Variants in BCKDHB observed in about 807,000 individuals in gnomAD.
BCKDHB encodes 2-oxoisovalerate dehydrogenase subunit beta, mitochondrial.
Under a neutral mutation model 48.5 loss-of-function variants are expected in BCKDHB, and 41 were observed. That is an observed-to-expected ratio of 0.85 (90% confidence interval 0.66 to 1.10). The LOEUF (loss-of-function observed/expected upper bound fraction) is 1.10. BCKDHB is among the 50% of genes least tolerant of loss of function. The pLI, the probability that BCKDHB is intolerant of heterozygous loss-of-function variation, is 0.00. For missense variants in BCKDHB, 496 were observed against 494.2 expected (o/e 1.00, Z -0.03); for synonymous variants, 201 against 174.8 (o/e 1.15, Z -1.18).
chr6:80,330,637 T>C (rs1429167677), intron 9 of BCKDHB, among the ~76,000 whole-genome samples: 1 of 152,224 alleles, frequency 6.6e-6, no homozygotes, highest in Non-Finnish European at 1.5e-5. Context: ...GAAGGATATG[T>C]ATTTAATTTG....
At chr6:80,393,698 C>A in the BCKDHB span, among the ~76,000 whole-genome samples, 1 of 152,198 alleles carries the variant, frequency 6.6e-6, no homozygotes, top group African/African-American at 2.4e-5. Context: ...GGACTGATTC[C>A]TTATTGGACC....
the BCKDHB span, chr6:80,356,383 A>G: frequency 6.6e-6 from 1 of 152,190 alleles, no homozygotes. Context: ...ATAATATGGT[A>G]TAGCTGTGGT....
the BCKDHB span, among the ~76,000 whole-genome samples, chr6:80,378,772 C>G: frequency 0.054 from 8,238 of 152,162 alleles, 623 homozygotes; most frequent in African/African-American, 0.17. Context: ...TAAGCCTGCT[C>G]TTTACTCTGT....
intron 9 of BCKDHB, among the ~76,000 whole-genome samples, chr6:80,339,066 C>G (rs1769758759): frequency 6.6e-6 from 1 of 151,982 alleles, no homozygotes; most frequent in African/African-American, 2.4e-5. Context: ...ACAGAGGTTT[C>G]AGTGATGTAA....
chr6:80,343,810 T>C lies in BCKDHB; in HGVS notation c.*6T>C. ...GAAAAATGATCAACTATTGACCATA[T>C]AGGTAGGTATGCATCTTGAGAAAGC... On this transcript the variant is annotated 3_prime_UTR_variant, in exon 10 of 10. Coordinates refer to ENST00000320393, the MANE Select transcript of BCKDHB (RefSeq NM_183050.4). 4 of 1,613,868 alleles carry C rather than the reference T, an allele frequency of 2.5e-6. No individual in the cohort carries two copies. The highest frequency in any genetic ancestry group is 2.5e-6 in the Non-Finnish European group (3 of 1,179,858).
intron 3 of BCKDHB, among the ~76,000 whole-genome samples, chr6:80,163,207 T>G (rs1273728417): frequency 1.3e-5 from 2 of 152,022 alleles, no homozygotes; most frequent in Non-Finnish European, 2.9e-5. Flanking sequence ...GCCTGGCTTC[T>G]TCTCTCTTTT....
chr6:80,183,987 C>T (rs907623067), intron 6 of BCKDHB, among the ~76,000 whole-genome samples: 33 of 152,078 alleles, frequency 2.2e-4, no homozygotes, highest in African/African-American at 7.7e-4. Flanking sequence ...TATTCATTCA[C>T]CTGCAGAAAG....
rs573393206 is a variant in BCKDHB, at chr6:80,320,352, A to T, written c.1039-23312A>T. 4.6e-5 allele frequency among the ~76,000 whole-genome samples: 7 copies of T among 152,264 alleles called. No homozygotes were observed. The East Asian group carries it at 1.2e-3, about 25-fold the overall frequency. The stretch of plus-strand genomic sequence containing the variant: ...TGTTCTTTCTTCTACCTTATGATTG[A>T]CCATTTCTGACATAAAAGTTAAGAA... On this transcript the variant is annotated intron_variant, in intron 9 of 9. Transcript: ENST00000320393.
intron 1 of BCKDHB, among the ~76,000 whole-genome samples, chr6:80,107,485 A>G (rs1034661186): frequency 1.4e-5 from 2 of 139,746 alleles, no homozygotes; most frequent in East Asian, 2.0e-4. Context: ...GGATATATAT[A>G]CGCGCATATA....
the BCKDHB span, chr6:80,374,325 C>A: frequency 1.0e-6 from 1 of 957,256 alleles, no homozygotes; most frequent in East Asian, 2.4e-5. Flanking sequence ...TTTGGGCCAC[C>A]AACCTTGTGT....
chr6:80,228,402 C>A (rs185444247), intron 8 of BCKDHB, among the ~76,000 whole-genome samples: 1 of 152,314 alleles, frequency 6.6e-6, no homozygotes, highest in East Asian at 1.9e-4. Flanking sequence ...GGACATCTCC[C>A]TGAGTGTGTA....
the BCKDHB span, among the ~76,000 whole-genome samples, chr6:80,398,180 G>A: frequency 6.6e-6 from 1 of 151,682 alleles, no homozygotes; most frequent in Non-Finnish European, 1.5e-5. Context: ...AATTAGGGAA[G>A]CCAGAGCAAA....
intron 9 of BCKDHB, among the ~76,000 whole-genome samples, chr6:80,318,687 A>T (rs1305589217): frequency 3.3e-5 from 4 of 123,062 alleles, no homozygotes; most frequent in East Asian, 2.1e-4. Context: ...TCTCTCTCTT[A>T]AAAAAAAAAA....
the BCKDHB span, among the ~76,000 whole-genome samples, chr6:80,388,329 T>C: frequency 0.52 from 79,215 of 151,926 alleles, 21,108 homozygotes; most frequent in Non-Finnish European, 0.58. Context: ...TTGGCAGGCC[T>C]CCATAGGTCA....
At chr6:80,403,259 T>C in the BCKDHB span, among the ~76,000 whole-genome samples, 119 of 152,018 alleles carry the variant, frequency 7.8e-4, no homozygotes, top group Middle Eastern at 0.014. Flanking sequence ...TGTATTTTTG[T>C]TTAATTTCTT....
chr6:80,121,610 T>C (rs1319333281), intron 1 of BCKDHB, among the ~76,000 whole-genome samples: 2 of 152,208 alleles, frequency 1.3e-5, no homozygotes, highest in African/African-American at 4.8e-5. Context: ...AGGTATTTTA[T>C]TTTGTTTGTA....
intron 8 of BCKDHB, among the ~76,000 whole-genome samples, chr6:80,228,063 C>A (rs1046612979): frequency 2.6e-5 from 4 of 152,106 alleles, no homozygotes; most frequent in Admixed American, 2.0e-4. Context: ...GTATGTAAGA[C>A]GTTTCCCCCA....
intron 7 of BCKDHB, among the ~76,000 whole-genome samples, chr6:80,201,873 A>G (rs1236676296): frequency 6.6e-6 from 1 of 152,178 alleles, no homozygotes; most frequent in African/African-American, 2.4e-5. Flanking sequence ...GGGCAATGCA[A>G]TATAAAGAAG....
chr6:80,317,079 G>A (rs1487727304), intron 9 of BCKDHB, among the ~76,000 whole-genome samples: 1 of 152,182 alleles, frequency 6.6e-6, no homozygotes, highest in Non-Finnish European at 1.5e-5. Context: ...TGAGCTGTCT[G>A]GATCAGATGT....
Sources: gnomAD v4.1 joint callset for allele counts (sites outside exome capture counted in the v4.1 genomes callset) on GRCh38, gnomAD v4.1.1 for gene constraint, MANE v1.5 for transcripts, NCBI Gene and HGNC (gene_info 2026-07-23, HGNC 2026-07-21) for gene names.